DMTF1: variants seen among roughly 807,000 people sequenced by gnomAD.
DMTF1 encodes cyclin-D-binding Myb-like transcription factor 1.
In DMTF1, 39 loss-of-function variants were observed where a neutral mutation model predicts 91.1. The observed-to-expected ratio is 0.43, with a 90% CI of 0.33 to 0.56. The LOEUF is 0.56. Among genes scored for constraint, DMTF1 ranks in the 20% least tolerant of loss-of-function variants. DMTF1 has a pLI of 0.05. For missense variants in DMTF1, 750 were observed against 914.5 expected (o/e 0.82, Z 2.32); for synonymous variants, 338 against 309.5 (o/e 1.09, Z -0.97).
intron 2 of DMTF1, among the ~76,000 whole-genome samples, chr7:87,163,997 C>CT (rs1584239839): frequency 7.2e-6 from 1 of 138,988 alleles, no homozygotes; most frequent in Admixed American, 7.9e-5. Flanking sequence ...ACCCTTAAGA[C>CT]TGTGCCTGTG....
intron 1 of DMTF1, among the ~76,000 whole-genome samples, chr7:87,161,231 C>G (rs1425269167): frequency 6.6e-6 from 1 of 152,170 alleles, no homozygotes. Flanking sequence ...GGCACATTGG[C>G]TCACGCCTGT....
At chr7:87,189,049 T>C (rs1013290657) in intron 13 of DMTF1, among the ~76,000 whole-genome samples, 3 of 152,156 alleles carry the variant, frequency 2.0e-5, no homozygotes, top group African/African-American at 2.4e-5. Context: ...ACCAGGTGAT[T>C]ATTGGCATTT....
At chr7:87,165,850 G>A (rs1021216755) in intron 3 of DMTF1, among the ~76,000 whole-genome samples, 2 of 152,162 alleles carry the variant, frequency 1.3e-5, no homozygotes, top group African/African-American at 2.4e-5. Context: ...CTTCTTGATA[G>A]TATTATGTTT....
chr7:87,173,682 G>GA (rs747482745), intron 6 of DMTF1, 33 bp downstream of exon 6: 118 of 1,408,954 alleles, frequency 8.4e-5, no homozygotes, highest in Non-Finnish European at 9.1e-5. Context: ...AGTGCCTAGT[G>GA]AAAAAAAATG....
intron 4 of DMTF1, among the ~76,000 whole-genome samples, chr7:87,169,901 C>T (rs568565208): frequency 7.9e-5 from 12 of 152,284 alleles, no homozygotes; most frequent in African/African-American, 2.9e-4. Context: ...TCTTTACTCA[C>T]TTTTTAGGTG....
chr7:87,178,605 A>T (rs1796730596), intron 7 of DMTF1, among the ~76,000 whole-genome samples: 2 of 152,006 alleles, frequency 1.3e-5, no homozygotes, highest in Admixed American at 6.6e-5. Context: ...TTCTACGTGG[A>T]CATACTAATG....
chr7:87,162,294 C>G (rs898013762), intron 1 of DMTF1, among the ~76,000 whole-genome samples: 2 of 152,096 alleles, frequency 1.3e-5, no homozygotes, highest in African/African-American at 4.8e-5. Context: ...TGGTCTCAAA[C>G]TCCTGAGGTT....
At chr7:87,158,169 T>C (rs1400153568) in intron 1 of DMTF1, among the ~76,000 whole-genome samples, 1 of 152,086 alleles carries the variant, frequency 6.6e-6, no homozygotes, top group Non-Finnish European at 1.5e-5. Flanking sequence ...AGCATTTGTA[T>C]TGATTATTAA....
rs1236999406 is a variant in DMTF1 at position 87,161,348 on chromosome 7, A to G, written c.-131-2147A>G. 3.9e-5 allele frequency among the ~76,000 whole-genome samples: 6 copies of G among 152,228 alleles called. No homozygotes were observed. The East Asian group carries it at 1.2e-3, about 29-fold the overall frequency. On this transcript the variant is annotated intron_variant, in intron 1 of 17. Transcript: ENST00000331242. ...CCCCATCTCTACTAAAAAAATACCA[A>G]AAAATTAGCTGGGCATGGTGGCACA...
At position 87,192,474 on chromosome 7, in the gene DMTF1, A is replaced by G. The variant is rs1800079901; in HGVS notation, c.1495-724A>G. The G allele has an allele frequency of 2.6e-5, 4 of 152,234 alleles. No individual in the cohort carries two copies. The South Asian group carries it at 6.2e-4, about 24-fold the overall frequency. 9.4% of individuals were successfully genotyped at this position (152,234 alleles called of 1,614,324 possible). On this transcript the variant is annotated intron_variant, in intron 14 of 17. Transcript: ENST00000331242. ...CTCCACTTTAGCAATAAGGAAACCTATATTTGGGGATTTAGTACCCAGGAG... is the reference window on the plus strand; with the variant it reads ...CTCCACTTTAGCAATAAGGAAACCTGTATTTGGGGATTTAGTACCCAGGAG...
rs1214918736 is a variant in DMTF1 at position 87,181,295 on chromosome 7, C to T, written c.678-14C>T. 1 of 1,218,668 alleles carries T rather than the reference C, an allele frequency of 8.2e-7. No homozygotes were observed. Among genetic ancestry groups the T allele is most frequent in the African/African-American group, 1.5e-5 (1 of 65,924 alleles). The allele number at this position is 1,218,668 out of a possible 1,614,324, so 75.5% of individuals were successfully genotyped here. On this transcript the variant is annotated splice_polypyrimidine_tract_variant and intron_variant, in intron 8 of 17. Coordinates refer to ENST00000331242, the MANE Select transcript of DMTF1 (RefSeq NM_001142327.2). ...GTTTTAATTGATTTTTTAAAAATTT[C>T]TCTGAATTTCTAGATATACACCTGA...
At chr7:87,157,737 A>G (rs759467869) in intron 1 of DMTF1, among the ~76,000 whole-genome samples, 23 of 152,002 alleles carry the variant, frequency 1.5e-4, no homozygotes, top group Non-Finnish European at 3.1e-4. Flanking sequence ...CTTCCAGGCT[A>G]TAGTATATTA....
chr7:87,186,276 A>G (rs749437979), intron 12 of DMTF1: 97 of 322,930 alleles, frequency 3.0e-4, no homozygotes, highest in Admixed American at 4.5e-4. Context: ...GTTTTTAGAG[A>G]CAGGGTCTAG....
chr7:87,180,897 G>C (rs55891509), intron 8 of DMTF1, among the ~76,000 whole-genome samples: 5,165 of 137,886 alleles, frequency 0.037, 110 homozygotes, highest in East Asian at 0.065. Flanking sequence ...TCTGTGTTGC[G>C]CAGGCTGGAG....
At position 87,181,355 on chromosome 7, in the gene DMTF1, T is replaced by G. The variant is rs763689648; in HGVS notation, c.710+14T>G. The G allele has an allele frequency of 2.5e-6, 3 of 1,206,410 alleles. No individual in the cohort carries two copies. Among genetic ancestry groups the G allele is most frequent in the South Asian group, 1.3e-5 (1 of 75,640 alleles). The allele number at this position is 1,206,410 out of a possible 1,614,324, so 74.7% of individuals were successfully genotyped here. ...GAAGCTCAAGGAGTAAGTTTTAAAGTTTTTTTCATTAATTCTAATTTTTTA... is the reference window on the plus strand; with the variant it reads ...GAAGCTCAAGGAGTAAGTTTTAAAGGTTTTTTCATTAATTCTAATTTTTTA... On this transcript the variant is annotated intron_variant, in intron 9 of 17. Coordinates refer to ENST00000331242, the MANE Select transcript of DMTF1 (RefSeq NM_001142327.2).
chr7:87,178,332 A>T (rs1351619238), intron 7 of DMTF1, among the ~76,000 whole-genome samples: 3 of 151,848 alleles, frequency 2.0e-5, no homozygotes, highest in East Asian at 3.9e-4. Flanking sequence ...AAAGTAACAT[A>T]TTTTTTTCAT....
intron 7 of DMTF1, among the ~76,000 whole-genome samples, chr7:87,176,735 CAAAAGATTATTTTGGA>C (rs1422209230): frequency 1.3e-5 from 2 of 152,056 alleles, no homozygotes; most frequent in African/African-American, 4.8e-5. Context: ...AGGAAATGTC[CAAAAGATTATTTTGGA>C]AAAAGATGAT....
At chr7:87,165,427 TC>T (rs1793609909) in intron 3 of DMTF1, among the ~76,000 whole-genome samples, 1 of 152,242 alleles carries the variant, frequency 6.6e-6, no homozygotes, top group Admixed American at 6.5e-5. Context: ...AATATGGTGA[TC>T]TACAATGAAT....
rs1471410190 is a variant in DMTF1 at position 87,184,387 on chromosome 7, C to G, written c.821-10C>G. 6.2e-7 allele frequency: 1 copy of G among 1,611,994 alleles called. No homozygotes were observed. Among genetic ancestry groups the G allele is most frequent in the Non-Finnish European group, 8.5e-7 (1 of 1,178,980 alleles). On this transcript the variant is annotated splice_polypyrimidine_tract_variant and intron_variant, in intron 10 of 17. Transcript: ENST00000331242. ...TAGCAGTGGTAGTCTGGATGATTTCCTTTTTTCAGGGAAGTGGACAGAAGA... is the reference window on the plus strand; with the variant it reads ...TAGCAGTGGTAGTCTGGATGATTTCGTTTTTTCAGGGAAGTGGACAGAAGA...
Sources: gnomAD v4.1 joint callset for allele counts (sites outside exome capture counted in the v4.1 genomes callset) on GRCh38, gnomAD v4.1.1 for gene constraint, MANE v1.5 for transcripts, NCBI Gene and HGNC (gene_info 2026-07-23, HGNC 2026-07-21) for gene names.